CEP128: variants seen among roughly 807,000 people sequenced by gnomAD.
The protein encoded by CEP128 is centrosomal protein 128, also known as centrosomal protein 128kDa.
Under a neutral mutation model 156.7 loss-of-function variants are expected in CEP128, and 132 were observed. That is an observed-to-expected ratio of 0.84 (90% CI 0.73 to 0.97). CEP128 has a LOEUF of 0.97. CEP128 is among the 50% of genes least tolerant of loss of function. The pLI, the probability that CEP128 is intolerant of heterozygous loss-of-function variation, is 0.00. For missense variants in CEP128, 1,252 were observed against 1,281.9 expected, an observed-to-expected ratio of 0.98 and a Z score of 0.36; for synonymous variants, 469 against 448.9, an observed-to-expected ratio of 1.04 and a Z score of -0.57.
At chr14:80,913,780 G>T (rs562948204) in intron 4 of CEP128, among the ~76,000 whole-genome samples, 5 of 152,210 alleles carry the variant, frequency 3.3e-5, no homozygotes, top group Non-Finnish European at 7.4e-5. Flanking sequence ...GGAGGAGGTT[G>T]GGAGCAGGGT....
intron 19 of CEP128, among the ~76,000 whole-genome samples, chr14:80,667,737 A>G (rs1305511282): frequency 6.6e-6 from 1 of 151,814 alleles, no homozygotes; most frequent in Non-Finnish European, 1.5e-5. Context: ...GGGTGCCTGT[A>G]GTCCCAGCTA....
At chr14:80,935,935 A>G (rs1162979487) in intron 2 of CEP128, among the ~76,000 whole-genome samples, 2 of 152,234 alleles carry the variant, frequency 1.3e-5, no homozygotes, top group African/African-American at 4.8e-5. Flanking sequence ...CCAAAAGTTA[A>G]CTTGCCCAAA....
chr14:80,590,199 TACACACCTGAA>T (rs1370392577), intron 19 of CEP128, among the ~76,000 whole-genome samples: 2 of 152,140 alleles, frequency 1.3e-5, no homozygotes, highest in Non-Finnish European at 2.9e-5. Context: ...AGCATGTGTT[TACACACCTGAA>T]AATTTCCAAA....
At chr14:80,667,857 C>CAAAA (rs3070047) in intron 19 of CEP128, among the ~76,000 whole-genome samples, 1,228 of 89,776 alleles carry the variant, frequency 0.014, 45 homozygotes, top group African/African-American at 0.041. Flanking sequence ...GACTCCATCT[C>CAAAA]AAAAAAAAAA....
intron 14 of CEP128, among the ~76,000 whole-genome samples, chr14:80,483,041 A>ATAG (rs1887087881): frequency 1.3e-5 from 2 of 152,202 alleles, no homozygotes; most frequent in Non-Finnish European, 2.9e-5. Flanking sequence ...GACCTGCCAT[A>ATAG]TCCTATAGGG....
At position 80,650,339 on chromosome 14, in the gene CEP128, A is replaced by T. The variant is rs137979811; in HGVS notation, c.2807-69916T>A. Among the ~76,000 whole-genome samples the T allele has an allele frequency of 5.0e-3, 760 of 152,278 alleles. 13 individuals carry two copies. The highest frequency in any genetic ancestry group is 0.017 in the African/African-American group (715 of 41,558). ...GGGCTGAGACGATGGGGTTTTCTTAATATACAATCATGTCATCTGCAAACA... is the reference window on the plus strand; with the variant it reads ...GGGCTGAGACGATGGGGTTTTCTTATTATACAATCATGTCATCTGCAAACA... On this transcript the variant is annotated intron_variant, in intron 19 of 24. Transcript: ENST00000555265.
chr14:80,610,932 C>T (rs928577525), intron 19 of CEP128, among the ~76,000 whole-genome samples: 2 of 151,744 alleles, frequency 1.3e-5, no homozygotes, highest in Admixed American at 6.6e-5. Context: ...TATTGAACAG[C>T]GGGTGGTATG....
intron 9 of CEP128, among the ~76,000 whole-genome samples, chr14:80,856,235 A>G (rs2140135451): frequency 6.6e-6 from 1 of 152,270 alleles, no homozygotes; most frequent in South Asian, 2.1e-4. Flanking sequence ...GCCCTTGCCT[A>G]TCCCACAGAC....
chr14:80,669,727 C>G (rs930918994), intron 19 of CEP128, among the ~76,000 whole-genome samples: 2 of 151,960 alleles, frequency 1.3e-5, no homozygotes, highest in African/African-American at 4.8e-5. Flanking sequence ...AGTACAATCT[C>G]TATGAAAAAC....
At chr14:80,616,899 A>C (rs1044178955) in intron 19 of CEP128, among the ~76,000 whole-genome samples, 11 of 152,218 alleles carry the variant, frequency 7.2e-5, no homozygotes, top group African/African-American at 2.7e-4. Context: ...CAGAAATGAT[A>C]TAATAAAAGT....
chr14:80,701,661 T>C (rs777515392), intron 19 of CEP128, among the ~76,000 whole-genome samples: 1 of 152,150 alleles, frequency 6.6e-6, no homozygotes, highest in Non-Finnish European at 1.5e-5. Flanking sequence ...ATTCCAACGT[T>C]TAGTTCACTT....
intron 8 of CEP128, among the ~76,000 whole-genome samples, chr14:80,872,268 GCGTAT>G (rs969543033): frequency 2.6e-5 from 4 of 151,896 alleles, no homozygotes; most frequent in Non-Finnish European, 4.4e-5. Flanking sequence ...AATATTGATT[GCGTAT>G]CACCACAATT....
upstream of CEP128, chr14:80,945,503 T>G (rs927515233): frequency 1.3e-5 from 2 of 152,206 alleles, no homozygotes; most frequent in African/African-American, 4.8e-5. Flanking sequence ...CTGGGAATGA[T>G]TCTACCCACT....
chr14:80,622,336 AC>A (rs1893514302), intron 19 of CEP128, among the ~76,000 whole-genome samples: 1 of 151,956 alleles, frequency 6.6e-6, no homozygotes, highest in Non-Finnish European at 1.5e-5. Context: ...TAAACGTTAG[AC>A]CTAAAACCAT....
chr14:80,649,469 G>C (rs567044125), intron 19 of CEP128, among the ~76,000 whole-genome samples: 1 of 151,964 alleles, frequency 6.6e-6, no homozygotes, highest in African/African-American at 2.4e-5. Flanking sequence ...AGAAAAAAGA[G>C]ATTAAAAAAA....
chr14:80,785,852 G>A (rs377521323), intron 14 of CEP128, among the ~76,000 whole-genome samples: 3 of 152,176 alleles, frequency 2.0e-5, no homozygotes, highest in South Asian at 4.2e-4. Flanking sequence ...GCAAACAAAT[G>A]GGGAAAGCAA....
At chr14:80,772,315 AAG>A (rs1900552817) in intron 16 of CEP128, among the ~76,000 whole-genome samples, 1 of 152,082 alleles carries the variant, frequency 6.6e-6, no homozygotes, top group Admixed American at 6.5e-5. Flanking sequence ...TGACAGACAA[AAG>A]AGAGGAGCAT....
chr14:80,489,267 T>TAAAAAAAAAAA (rs35135843), downstream of CEP128, among the ~76,000 whole-genome samples: 1 of 108,034 alleles, frequency 9.3e-6, no homozygotes, highest in Non-Finnish European at 1.9e-5. Flanking sequence ...TTGTAAAAGC[T>TAAAAAAAAAAA]AAAAAAAAAA....
chr14:80,923,939 G>C (rs1423893281), intron 2 of CEP128, among the ~76,000 whole-genome samples: 1 of 152,050 alleles, frequency 6.6e-6, no homozygotes, highest in Non-Finnish European at 1.5e-5. Context: ...TTTATAAGGG[G>C]CTCTTCCCTC....
Sources: gnomAD v4.1 joint callset for allele counts (sites outside exome capture counted in the v4.1 genomes callset) on GRCh38, gnomAD v4.1.1 for gene constraint, MANE v1.5 for transcripts, NCBI Gene and HGNC (gene_info 2026-07-23, HGNC 2026-07-21) for gene names.